PPP1R42: variants seen among roughly 807,000 people sequenced by gnomAD.
PPP1R42 encodes leucine rich repeat containing 67.
In PPP1R42, 34 loss-of-function variants were observed where a neutral mutation model predicts 31.0. The observed-to-expected ratio is 1.10, with a 90% CI of 0.83 to 1.46. The LOEUF is 1.46. PPP1R42 is among the 40% of genes most tolerant of loss of function. The pLI, the probability that PPP1R42 is intolerant of heterozygous loss-of-function variation, is 0.00. For synonymous variants in PPP1R42, 103 were observed against 109.8 expected (o/e 0.94, Z 0.39); for missense variants, 268 against 303.0 (o/e 0.88, Z 0.86).
intron 5 of PPP1R42, among the ~76,000 whole-genome samples, chr8:66,996,805 T>C (rs1815345167): frequency 6.6e-6 from 1 of 152,246 alleles, no homozygotes; most frequent in Admixed American, 6.5e-5. Context: ...TCTATTTGGA[T>C]ATCCAGTTGT....
intron 7 of PPP1R42, among the ~76,000 whole-genome samples, chr8:66,978,133 G>A (rs1585637616): frequency 6.6e-6 from 1 of 152,148 alleles, no homozygotes; most frequent in Non-Finnish European, 1.5e-5. Context: ...AAGAAAAAGA[G>A]GTTTAATGGA....
At chr8:66,984,790 G>A in intron 6 of PPP1R42, 3 of 1,608,604 alleles carry the variant, frequency 1.9e-6, no homozygotes, top group Non-Finnish European at 2.6e-6. Flanking sequence ...CATCAAATTA[G>A]AAATTCTCAC....
At chr8:66,987,731 G>T (rs535767257) in intron 6 of PPP1R42, among the ~76,000 whole-genome samples, 3 of 152,252 alleles carry the variant, frequency 2.0e-5, no homozygotes, top group Admixed American at 2.0e-4. Context: ...TTCCACTCAT[G>T]CTAAGTAAAC....
chr8:67,024,384 G>T (rs1816324795), intron 1 of PPP1R42, among the ~76,000 whole-genome samples: 1 of 151,948 alleles, frequency 6.6e-6, no homozygotes, highest in African/African-American at 2.4e-5. Flanking sequence ...TGCAATCTCG[G>T]CTCAGGCAAC....
intron 1 of PPP1R42, 44 bp from the exon 2 acceptor site, chr8:67,017,875 T>G: frequency 2.0e-6 from 2 of 1,023,138 alleles, no homozygotes; most frequent in Non-Finnish European, 2.6e-6. Flanking sequence ...TCATAGCAAT[T>G]TAAGGAAAAG....
chr8:67,016,807 T>G (rs1816029144), intron 2 of PPP1R42, among the ~76,000 whole-genome samples: 2 of 152,172 alleles, frequency 1.3e-5, no homozygotes, highest in African/African-American at 2.4e-5. Context: ...ATCCTTCACC[T>G]AAGCAGTGTA....
intron 1 of PPP1R42, among the ~76,000 whole-genome samples, chr8:67,019,584 A>C (rs1418147596): frequency 1.3e-5 from 2 of 151,964 alleles, no homozygotes; most frequent in Admixed American, 1.3e-4. Flanking sequence ...GGAGTAAAAA[A>C]GGCCCTCGAG....
At chr8:66,965,422 A>C (rs892474255) in intron 7 of PPP1R42, among the ~76,000 whole-genome samples, 2 of 151,582 alleles carry the variant, frequency 1.3e-5, no homozygotes, top group African/African-American at 4.8e-5. Flanking sequence ...GAAGTGTTAA[A>C]TGTATGTTTA....
At chr8:67,026,061 C>A (rs1222132496) in intron 1 of PPP1R42, among the ~76,000 whole-genome samples, 1 of 130,956 alleles carries the variant, frequency 7.6e-6, no homozygotes, top group African/African-American at 2.9e-5. Flanking sequence ...TGTGGCCGGG[C>A]GCGGTGGCTC....
chr8:66,982,029 A>G lies in PPP1R42; in HGVS notation c.802+20T>C. On this transcript the variant is annotated intron_variant, in intron 7 of 7. Transcript: ENST00000685739. ...CCTTTGCTAGAAGAGCAGTCACCTA[A>G]TGAGTGACAGAGTGCTTACTTATGA... 7.3e-7 allele frequency: 1 copy of G among 1,371,278 alleles called. No homozygotes were observed. The highest frequency in any genetic ancestry group is 2.9e-5 in the East Asian group (1 of 34,918). 84.9% of individuals were successfully genotyped at this position (1,371,278 alleles called of 1,614,324 possible).
intron 6 of PPP1R42, chr8:66,985,129 G>A (rs1445664984): frequency 6.8e-6 from 8 of 1,181,514 alleles, no homozygotes; most frequent in Non-Finnish European, 1.0e-5. Context: ...CCTAGTCAAA[G>A]TATGGATGTC....
At chr8:67,024,803 G>A (rs1318677675) in intron 1 of PPP1R42, among the ~76,000 whole-genome samples, 1 of 152,052 alleles carries the variant, frequency 6.6e-6, no homozygotes, top group Non-Finnish European at 1.5e-5. Flanking sequence ...TGTAGAGACA[G>A]GGTTGTACCA....
intron 5 of PPP1R42, among the ~76,000 whole-genome samples, chr8:67,006,504 G>A (rs1815681623): frequency 6.6e-6 from 1 of 152,216 alleles, no homozygotes; most frequent in Admixed American, 6.5e-5. Flanking sequence ...ACAGGCACAT[G>A]CCATCACACG....
intron 1 of PPP1R42, among the ~76,000 whole-genome samples, chr8:67,021,757 T>G (rs948466829): frequency 2.0e-5 from 3 of 152,182 alleles, no homozygotes; most frequent in Non-Finnish European, 2.9e-5. Context: ...TATGTATACC[T>G]AAACCATATA....
At chr8:66,970,827 C>CT (rs562111907) in intron 7 of PPP1R42, 362 of 689,682 alleles carry the variant, frequency 5.2e-4, no homozygotes, top group Non-Finnish European at 6.7e-4. Context: ...CAACAATGAA[C>CT]TTTTTTTTTC....
intron 6 of PPP1R42, among the ~76,000 whole-genome samples, chr8:66,987,199 C>G (rs1279666553): frequency 2.6e-5 from 4 of 151,820 alleles, no homozygotes; most frequent in Non-Finnish European, 5.9e-5. Flanking sequence ...TCTCTTCTTC[C>G]TCATGTTAAT....
chr8:67,026,479 A>T (rs1236941903), intron 1 of PPP1R42, among the ~76,000 whole-genome samples: 1 of 152,164 alleles, frequency 6.6e-6, no homozygotes, highest in African/African-American at 2.4e-5. Context: ...CTTGATGGTA[A>T]GAATGATACT....
chr8:66,998,148 A>G (rs1269847459), intron 5 of PPP1R42, among the ~76,000 whole-genome samples: 1 of 152,214 alleles, frequency 6.6e-6, no homozygotes, highest in Admixed American at 6.5e-5. Flanking sequence ...GTCTATTAAA[A>G]CAAAAAATCA....
intron 5 of PPP1R42, among the ~76,000 whole-genome samples, chr8:66,996,663 C>T (rs184360139): frequency 6.3e-4 from 96 of 152,192 alleles, no homozygotes; most frequent in African/African-American, 2.1e-3. Flanking sequence ...TTTTATGGGT[C>T]GTGCTTTTTG....
Sources: allele counts gnomAD v4.1 joint callset (sites outside exome capture counted in the v4.1 genomes callset), GRCh38; gene constraint gnomAD v4.1.1; transcripts MANE v1.5; gene names NCBI Gene and HGNC (gene_info 2026-07-23, HGNC 2026-07-21).